Variants in RGS6 observed in about 807,000 individuals in gnomAD.
The protein encoded by RGS6 is regulator of G protein signaling 6, also known as regulator of G-protein signaling 6.
RGS6 carries 30 observed loss-of-function variants against 78.5 expected under a neutral mutation model. The ratio of observed to expected loss-of-function variants is 0.38; its 90% CI spans 0.29 to 0.52. The LOEUF (loss-of-function observed/expected upper bound fraction) is 0.52. Among genes scored for constraint, RGS6 ranks in the 20% least tolerant of loss-of-function variants. RGS6 has a pLI of 0.85. For missense variants in RGS6, 495 were observed against 609.7 expected (o/e 0.81, Z 1.98); for synonymous variants, 206 against 206.0 (o/e 1.00, Z 0.00).
chr14:72,350,560 C>T (rs555477369), intron 2 of RGS6, among the ~76,000 whole-genome samples: 1 of 152,152 alleles, frequency 6.6e-6, no homozygotes, highest in Non-Finnish European at 1.5e-5. Context: ...CTGGATTACA[C>T]TATTTAATAC....
At chr14:72,118,025 G>A (rs1468115115) in intron 2 of RGS6, among the ~76,000 whole-genome samples, 1 of 152,188 alleles carries the variant, frequency 6.6e-6, no homozygotes, top group Non-Finnish European at 1.5e-5. Flanking sequence ...GCCTACAAAT[G>A]ATTAAAATTG....
chr14:72,192,493 C>A (rs1437373154), intron 2 of RGS6, among the ~76,000 whole-genome samples: 1 of 152,182 alleles, frequency 6.6e-6, no homozygotes, highest in South Asian at 2.1e-4. Flanking sequence ...TAGGCCCCAA[C>A]CTCACTCTCT....
intron 2 of RGS6, among the ~76,000 whole-genome samples, chr14:72,313,792 G>T (rs577304996): frequency 6.6e-6 from 1 of 152,178 alleles, no homozygotes; most frequent in African/African-American, 2.4e-5. Context: ...AGGCAAAGAA[G>T]AAAGAACAAA....
intron 12 of RGS6, among the ~76,000 whole-genome samples, chr14:72,484,424 C>T (rs1168597530): frequency 6.6e-6 from 1 of 152,164 alleles, no homozygotes; most frequent in East Asian, 1.9e-4. Flanking sequence ...TTCTCCCCAC[C>T]TGCTCCATAT....
chr14:72,587,204 C>T, the RGS6 span, among the ~76,000 whole-genome samples: 2 of 152,098 alleles, frequency 1.3e-5, no homozygotes, highest in South Asian at 4.1e-4. Context: ...GCATGCCTTC[C>T]TGGACTTAAA....
chr14:72,076,097 A>G (rs757130492), intron 2 of RGS6, among the ~76,000 whole-genome samples: 30 of 152,178 alleles, frequency 2.0e-4, no homozygotes, highest in Non-Finnish European at 3.8e-4. Context: ...ACTTTTAACT[A>G]TCTTTACAGC....
At chr14:72,240,885 G>T (rs769070819) in intron 2 of RGS6, among the ~76,000 whole-genome samples, 1 of 152,108 alleles carries the variant, frequency 6.6e-6, no homozygotes, top group African/African-American at 2.4e-5. Context: ...TTGGCCAGGC[G>T]CGGTGGCTCA....
intron 2 of RGS6, among the ~76,000 whole-genome samples, chr14:72,160,911 A>G (rs149676): frequency 0.68 from 103,820 of 152,076 alleles, 35,591 homozygotes; most frequent in African/African-American, 0.73. Context: ...TTTAGAATTT[A>G]TAGAATCCAA....
chr14:72,316,756 C>T (rs1378055870), intron 2 of RGS6, among the ~76,000 whole-genome samples: 1 of 152,080 alleles, frequency 6.6e-6, no homozygotes, highest in East Asian at 1.9e-4. Context: ...TATTGTATTC[C>T]AATCATTGAT....
intron 3 of RGS6, among the ~76,000 whole-genome samples, chr14:72,358,139 C>T (rs1318223315): frequency 6.6e-6 from 1 of 152,172 alleles, no homozygotes; most frequent in Non-Finnish European, 1.5e-5. Flanking sequence ...GGTTTGGGAA[C>T]CTCCATCTTG....
chr14:71,976,059 T>C (rs949523301), intron 2 of RGS6, among the ~76,000 whole-genome samples: 1 of 151,932 alleles, frequency 6.6e-6, no homozygotes, highest in East Asian at 1.9e-4. Context: ...AAAATTTTCA[T>C]TTAATTTTCT....
At position 72,133,965 on chromosome 14, in the gene RGS6, T is replaced by A. The variant is rs909403846; in HGVS notation, c.84+169090T>A. 3.3e-5 allele frequency among the ~76,000 whole-genome samples: 5 copies of A among 152,198 alleles called. No homozygotes were observed. In the South Asian group the frequency reaches 1.0e-3, roughly 32 times the overall value. ...CTCCATGGAAGATCATAATACTGTT[T>A]CCCAACCCAGACATAGCATCTTTCT... On this transcript the variant is annotated intron_variant, in intron 2 of 17. Coordinates refer to ENST00000553525, the MANE Select transcript of RGS6 (RefSeq NM_001204424.2).
chr14:72,070,437 C>T (rs1378880972), intron 2 of RGS6, among the ~76,000 whole-genome samples: 5 of 152,154 alleles, frequency 3.3e-5, no homozygotes, highest in Non-Finnish European at 7.3e-5. Context: ...ATAGTAAATT[C>T]TCAGGTTTGA....
chr14:72,528,105 G>T lies in RGS6; in HGVS notation c.1279-8081G>T, dbSNP rs550618491. Reference sequence around the variant, plus strand: ...GTTCAGCTGCATGCTTGTGGCCCAGGGCCCCAGTCATTTGTCTGATTAGCT... The same window carrying T: ...GTTCAGCTGCATGCTTGTGGCCCAGTGCCCCAGTCATTTGTCTGATTAGCT... On this transcript the variant is annotated intron_variant, in intron 15 of 17. Transcript: ENST00000553525. Among the ~76,000 whole-genome samples the T allele has an allele frequency of 3.9e-5, 6 of 152,204 alleles. No homozygotes were observed. In the South Asian group the frequency reaches 1.0e-3, roughly 26 times the overall value.
intron 3 of RGS6, among the ~76,000 whole-genome samples, chr14:72,410,979 G>A (rs2093366847): frequency 6.6e-6 from 1 of 152,190 alleles, no homozygotes; most frequent in Non-Finnish European, 1.5e-5. Flanking sequence ...TAGCCTTGTA[G>A]TATAGTTTGA....
At chr14:71,915,780 T>G in the RGS6 span, among the ~76,000 whole-genome samples, 1 of 152,192 alleles carries the variant, frequency 6.6e-6, no homozygotes, top group Non-Finnish European at 1.5e-5. Flanking sequence ...AGAATGTGAC[T>G]GTGTTTGGAG....
chr14:72,171,469 G>A (rs2097017472), intron 2 of RGS6, among the ~76,000 whole-genome samples: 1 of 152,174 alleles, frequency 6.6e-6, no homozygotes, highest in East Asian at 1.9e-4. Context: ...CCAACTTGAG[G>A]GTGCCCTCAA....
At chr14:72,440,702 C>T (rs1251868796) in intron 3 of RGS6, among the ~76,000 whole-genome samples, 2 of 152,222 alleles carry the variant, frequency 1.3e-5, no homozygotes, top group South Asian at 2.1e-4. Flanking sequence ...CGTGAACCAC[C>T]GCGCCTGGTG....
chr14:72,518,447 T>C lies in RGS6; in HGVS notation c.1188T>C (p.Ala396=), dbSNP rs1340386047. ...GGCAAGAGTTTCTGGCTCCAGGGGCTCCAAGTGCAATCAACCTGGATTCTC... is the reference window on the plus strand; with the variant it reads ...GGCAAGAGTTTCTGGCTCCAGGGGCCCCAAGTGCAATCAACCTGGATTCTC... ...EIWQEFLAPG[A]PSAINLDSHS... is the part of the protein sequence containing the mutation. The change falls in exon 15 of 18, where the codon GCT becomes GCC. Residue 396 remains alanine (A), a synonymous_variant. Transcript: ENST00000553525. 6.2e-7 allele frequency: 1 copy of C among 1,614,074 alleles called. No individual in the cohort carries two copies. Among genetic ancestry groups the C allele is most frequent in the Non-Finnish European group, 8.5e-7 (1 of 1,180,046 alleles).
Sources: allele counts gnomAD v4.1 joint callset (sites outside exome capture counted in the v4.1 genomes callset), GRCh38; gene constraint gnomAD v4.1.1; transcripts MANE v1.5; gene names NCBI Gene and HGNC (gene_info 2026-07-23, HGNC 2026-07-21).